The following FER variants were observed in gnomAD, a reference collection of about 807,000 sequenced individuals.
FER encodes the protein tyrosine-protein kinase Fer.
A neutral mutation model predicts 111.0 loss-of-function variants in FER; 63 were observed. That is an observed-to-expected ratio of 0.57 (90% CI 0.46 to 0.70). The LOEUF is 0.70. Ranked by LOEUF, FER falls within the 30% of genes least tolerant of loss-of-function variation. The pLI is 0.00. For missense variants in FER, 914 were observed against 954.0 expected (o/e 0.96, Z 0.55); for synonymous variants, 327 against 313.9 (o/e 1.04, Z -0.44).
At chr5:108,888,531 G>A (rs1747518103) in intron 9 of FER, among the ~76,000 whole-genome samples, 1 of 151,756 alleles carries the variant, frequency 6.6e-6, no homozygotes, top group African/African-American at 2.4e-5. Flanking sequence ...AGAGTGTTCA[G>A]ACATAGGAAA....
intron 8 of FER, 96 bp downstream of exon 8, chr5:108,872,308 T>C: frequency 8.2e-7 from 1 of 1,217,546 alleles, no homozygotes; most frequent in Non-Finnish European, 1.1e-6. Context: ...TTTACAAGTA[T>C]TGAACAGTAA....
At chr5:108,921,465 G>A (rs563423574) in intron 10 of FER, among the ~76,000 whole-genome samples, 3 of 152,208 alleles carry the variant, frequency 2.0e-5, no homozygotes, top group South Asian at 2.1e-4. Flanking sequence ...GCCTTGTACA[G>A]TGCTTGCTAT....
At chr5:108,999,910 G>A (rs965419888) in intron 13 of FER, among the ~76,000 whole-genome samples, 7 of 152,042 alleles carry the variant, frequency 4.6e-5, no homozygotes, top group African/African-American at 1.4e-4. Context: ...TAGGAGGAAA[G>A]CCCTTTACTA....
intron 3 of FER, among the ~76,000 whole-genome samples, chr5:108,806,998 A>G (rs564656325): frequency 6.6e-6 from 1 of 152,264 alleles, no homozygotes; most frequent in South Asian, 2.1e-4. Context: ...CCAAAATCTC[A>G]TATTGAATTT....
chr5:109,120,259 C>T (rs1210989502), intron 17 of FER, among the ~76,000 whole-genome samples: 6 of 152,038 alleles, frequency 3.9e-5, no homozygotes, highest in South Asian at 4.1e-4. Context: ...AGTCTTTAAT[C>T]GGCTTTGATT....
chr5:108,845,033 T>TACATAC (rs1561503122), intron 5 of FER, among the ~76,000 whole-genome samples: 2 of 54,474 alleles, frequency 3.7e-5, no homozygotes. Context: ...TATATATATA[T>TACATAC]ATATATACAT....
chr5:109,014,486 C>T (rs1447087233), intron 13 of FER, among the ~76,000 whole-genome samples: 3 of 152,012 alleles, frequency 2.0e-5, no homozygotes, highest in Admixed American at 6.5e-5. Context: ...TTACTGTAGC[C>T]TTGTAGTATA....
chr5:108,986,003 G>C (rs957965305), intron 13 of FER, among the ~76,000 whole-genome samples: 1 of 152,072 alleles, frequency 6.6e-6, no homozygotes, highest in Non-Finnish European at 1.5e-5. Flanking sequence ...CTTCTTTAAG[G>C]AATCTCCACA....
chr5:108,789,615 T>TTC (rs55708884), intron 2 of FER, among the ~76,000 whole-genome samples: 33 of 124,602 alleles, frequency 2.6e-4, no homozygotes, highest in African/African-American at 5.6e-4. Context: ...CTTCTTCTTC[T>TTC]TTTTTTTTTT....
chr5:109,000,558 T>C (rs574174485), intron 13 of FER, among the ~76,000 whole-genome samples: 1 of 151,472 alleles, frequency 6.6e-6, no homozygotes, highest in South Asian at 2.1e-4. Flanking sequence ...GCAGGAAAGA[T>C]CTAAAATTGA....
At chr5:109,046,094 C>T (rs763584316) in intron 15 of FER, among the ~76,000 whole-genome samples, 7 of 151,484 alleles carry the variant, frequency 4.6e-5, no homozygotes, top group Admixed American at 6.6e-5. Context: ...TTTCATAGCC[C>T]TCTGATGAAA....
At chr5:108,882,233 A>T (rs1181612006) in intron 8 of FER, among the ~76,000 whole-genome samples, 1 of 151,964 alleles carries the variant, frequency 6.6e-6, no homozygotes, top group East Asian at 1.9e-4. Flanking sequence ...TTCCAAGATG[A>T]CCCCTGAAAA....
Position 108,897,792 on chromosome 5 carries a change from A to G in FER, c.1180A>G (p.Lys394Glu). Reference sequence around the variant, plus strand: ...GCAAAAAGTGCAAGAAAATGATGGGAAAGAGCCACCTCCAGTAGTAAATTA... The same window carrying G: ...GCAAAAAGTGCAAGAAAATGATGGGGAAGAGCCACCTCCAGTAGTAAATTA... ...LEQKVQENDG[K>E]EPPPVVNYEE... Residue 394 changes from lysine (K) to glutamate (E), a missense_variant, in exon 10 of 20, where the codon AAA becomes GAA. Physicochemically the swap from Lys to Glu is moderately conservative, Grantham distance 56 (BLOSUM62 1). Coordinates refer to ENST00000281092, the MANE Select transcript of FER (RefSeq NM_005246.4). The G allele has an allele frequency of 1.9e-6, 3 of 1,613,590 alleles. No homozygotes were observed. Among genetic ancestry groups the G allele is most frequent in the Non-Finnish European group, 2.5e-6 (3 of 1,179,710 alleles).
intron 8 of FER, among the ~76,000 whole-genome samples, chr5:108,880,619 C>T (rs1198865122): frequency 6.6e-6 from 1 of 152,008 alleles, no homozygotes; most frequent in Non-Finnish European, 1.5e-5. Context: ...ATCTGATAGT[C>T]AGAATATGAA....
chr5:108,893,864 C>T (rs1317316213), intron 9 of FER, among the ~76,000 whole-genome samples: 1 of 151,672 alleles, frequency 6.6e-6, no homozygotes, highest in Admixed American at 6.6e-5. Context: ...ACTCCATGAA[C>T]AGATATTTAA....
intron 17 of FER, among the ~76,000 whole-genome samples, chr5:109,175,633 A>G (rs1757594945): frequency 6.6e-6 from 1 of 152,278 alleles, no homozygotes; most frequent in Non-Finnish European, 1.5e-5. Flanking sequence ...CTGCACAGCA[A>G]AGGAAACAAT....
intron 1 of FER, among the ~76,000 whole-genome samples, chr5:108,750,240 T>G (rs1419576431): frequency 6.6e-6 from 1 of 151,868 alleles, no homozygotes; most frequent in East Asian, 1.9e-4. Flanking sequence ...AAAATACTTT[T>G]CAATTCATAT....
intron 3 of FER, among the ~76,000 whole-genome samples, chr5:108,828,588 A>G (rs1177616649): frequency 6.6e-6 from 1 of 152,102 alleles, no homozygotes; most frequent in African/African-American, 2.4e-5. Context: ...TCCTGATTGT[A>G]TTATTGTTAT....
intron 9 of FER, among the ~76,000 whole-genome samples, chr5:108,891,831 C>T (rs1324756830): frequency 6.6e-6 from 1 of 151,948 alleles, no homozygotes. Flanking sequence ...CACGCAACAA[C>T]AGGCCCCGGT....
Sources: gnomAD v4.1 joint callset for allele counts (sites outside exome capture counted in the v4.1 genomes callset) on GRCh38, gnomAD v4.1.1 for gene constraint, MANE v1.5 for transcripts, NCBI Gene and HGNC (gene_info 2026-07-23, HGNC 2026-07-21) for gene names.